XYLT1: variants seen among roughly 807,000 people sequenced by gnomAD.
The protein encoded by XYLT1 is xylosyltransferase 1, also known as beta-D-xylosyltransferase 1.
XYLT1 carries 36 observed loss-of-function variants against 91.3 expected under a neutral mutation model. The ratio of observed to expected loss-of-function variants is 0.39; its 90% CI spans 0.30 to 0.52. The LOEUF (loss-of-function observed/expected upper bound fraction) is 0.52, where lower values mean the gene tolerates loss of function less well. Ranked by LOEUF, XYLT1 falls within the 20% of genes least tolerant of loss-of-function variation. XYLT1 has a pLI of 0.68. For missense variants in XYLT1, 1,242 were observed against 1,284.5 expected (o/e 0.97, Z 0.51); for synonymous variants, 588 against 532.0 (o/e 1.11, Z -1.45).
intron 5 of XYLT1, among the ~76,000 whole-genome samples, chr16:17,182,366 C>T (rs981011579): frequency 3.3e-5 from 5 of 152,180 alleles, no homozygotes; most frequent in African/African-American, 9.7e-5. Context: ...TCTGTCCTTA[C>T]ATGGCAGAGA....
chr16:17,130,716 A>G (rs2030437154), intron 9 of XYLT1, among the ~76,000 whole-genome samples: 2 of 152,188 alleles, frequency 1.3e-5, no homozygotes, highest in Admixed American at 6.5e-5. Flanking sequence ...GGGCCTCTGC[A>G]GGAGCTTCCT....
chr16:17,388,748 A>C lies in XYLT1; in HGVS notation c.364-30698T>G, dbSNP rs557996480. 4.7e-4 allele frequency among the ~76,000 whole-genome samples: 72 copies of C among 152,328 alleles called. 2 individuals are homozygous for C. In the South Asian group the frequency reaches 0.014, roughly 29 times the overall value. ...TTCTTTTAACAAAAAGGAGAAACAA[A>C]AGCAGGTTTGGGGAAGAAAGGATGG... On this transcript the variant is annotated intron_variant, in intron 1 of 11. Coordinates refer to ENST00000261381, the MANE Select transcript of XYLT1 (RefSeq NM_022166.4).
rs1245285511 is a variant in XYLT1, at chr16:17,101,990, G to A, written c.*6705C>T. On this transcript the variant is annotated 3_prime_UTR_variant, in exon 12 of 12. Transcript: ENST00000261381. ...CAACTTTCCATGGCAGTCCCTTCTT[G>A]TTATTCTCTACTCAGTACGGGTTTA... is the stretch of plus-strand genomic sequence containing the variant. The A allele has an allele frequency of 6.6e-6, 1 of 152,190 alleles. No homozygotes were observed. Among genetic ancestry groups the A allele is most frequent in the Non-Finnish European group, 1.5e-5 (1 of 68,046 alleles). The allele number at this position is 152,190 out of a possible 1,614,324, so 9.4% of individuals were successfully genotyped here. A position where few individuals can be genotyped will look rare whatever the true frequency, so the allele number is the denominator to read the frequency against.
At chr16:17,464,115 TTAGA>T in intron 1 of XYLT1, among the ~76,000 whole-genome samples, 1 of 152,212 alleles carries the variant, frequency 6.6e-6, no homozygotes, top group African/African-American at 2.4e-5. Context: ...AAAAATCCAG[TTAGA>T]TAGAAGGAAT....
chr16:17,356,694 C>A (rs114250606), intron 2 of XYLT1, among the ~76,000 whole-genome samples: 2 of 152,128 alleles, frequency 1.3e-5, no homozygotes, highest in Non-Finnish European at 2.9e-5. Context: ...AGCCTTGAAA[C>A]GTTCGAACAG....
chr16:17,320,055 A>T (rs1281996542), intron 2 of XYLT1, among the ~76,000 whole-genome samples: 1 of 152,158 alleles, frequency 6.6e-6, no homozygotes, highest in African/African-American at 2.4e-5. Context: ...TTCCCTGGCC[A>T]TCCTACATAA....
At chr16:17,298,286 C>G (rs2034344580) in intron 2 of XYLT1, among the ~76,000 whole-genome samples, 1 of 152,150 alleles carries the variant, frequency 6.6e-6, no homozygotes, top group South Asian at 2.1e-4. Flanking sequence ...TGTCCAGTTG[C>G]AGGACCAAAA....
At chr16:17,133,352 T>C (rs1442157367) in intron 9 of XYLT1, among the ~76,000 whole-genome samples, 1 of 151,908 alleles carries the variant, frequency 6.6e-6, no homozygotes, top group Non-Finnish European at 1.5e-5. Context: ...GGAGAGTGAT[T>C]AGAGGCACTT....
At chr16:17,425,034 C>G (rs545019482) in intron 1 of XYLT1, among the ~76,000 whole-genome samples, 1 of 152,274 alleles carries the variant, frequency 6.6e-6, no homozygotes, top group East Asian at 1.9e-4. Context: ...GAACTTGGCT[C>G]CAGCCTCATT....
At chr16:17,338,484 T>A (rs1335912973) in intron 2 of XYLT1, 1 of 456,550 alleles carries the variant, frequency 2.2e-6, no homozygotes, top group East Asian at 6.9e-5. Context: ...AAAGACTTTA[T>A]AAAGGAAGAG....
intron 2 of XYLT1, among the ~76,000 whole-genome samples, chr16:17,292,109 TACAC>T (rs1238196429): frequency 1.6e-5 from 2 of 128,672 alleles, no homozygotes; most frequent in Non-Finnish European, 3.6e-5. Flanking sequence ...CACACACATA[TACAC>T]ATATATATCT....
intron 5 of XYLT1, among the ~76,000 whole-genome samples, chr16:17,166,737 G>T (rs567533268): frequency 2.6e-5 from 4 of 151,128 alleles, no homozygotes; most frequent in Non-Finnish European, 4.4e-5. Flanking sequence ...GGCCAGGCTG[G>T]TCCTGACCTC....
intron 3 of XYLT1, among the ~76,000 whole-genome samples, chr16:17,210,229 G>A (rs1314789753): frequency 1.3e-5 from 2 of 152,148 alleles, no homozygotes; most frequent in Non-Finnish European, 2.9e-5. Context: ...GCTGGCTGTG[G>A]TGGCTCACGC....
At chr16:17,316,788 T>C (rs371415830) in intron 2 of XYLT1, among the ~76,000 whole-genome samples, 155 of 151,420 alleles carry the variant, frequency 1.0e-3, no homozygotes, top group African/African-American at 3.6e-3. Context: ...ACAGACCCTG[T>C]TACCTGAAAG....
intron 5 of XYLT1, among the ~76,000 whole-genome samples, chr16:17,161,316 G>T (rs1009986662): frequency 1.3e-5 from 2 of 152,178 alleles, no homozygotes; most frequent in African/African-American, 4.8e-5. Flanking sequence ...GATGAGGAGG[G>T]GGCTGAGGTT....
chr16:17,465,910 C>T (rs1348335579), intron 1 of XYLT1, among the ~76,000 whole-genome samples: 2 of 152,014 alleles, frequency 1.3e-5, no homozygotes, highest in Non-Finnish European at 1.5e-5. Context: ...CACAGAGGAC[C>T]GAAATTACAG....
intron 4 of XYLT1, among the ~76,000 whole-genome samples, chr16:17,200,036 C>T (rs1456883217): frequency 2.6e-5 from 4 of 151,768 alleles, no homozygotes; most frequent in African/African-American, 9.7e-5. Context: ...TCCTGGCCAA[C>T]ATGGTGAAAC....
At chr16:17,201,697 A>G (rs2032546195) in intron 3 of XYLT1, among the ~76,000 whole-genome samples, 1 of 152,022 alleles carries the variant, frequency 6.6e-6, no homozygotes, top group African/African-American at 2.4e-5. Context: ...CTGGTCTCGG[A>G]ACTCCTGACC....
chr16:17,218,508 T>C (rs1224442320), intron 3 of XYLT1, among the ~76,000 whole-genome samples: 1 of 152,148 alleles, frequency 6.6e-6, no homozygotes, highest in African/African-American at 2.4e-5. Flanking sequence ...GTGCCTTACA[T>C]AGCAGGGCTT....
Sources: gnomAD v4.1 joint callset for allele counts (sites outside exome capture counted in the v4.1 genomes callset) on GRCh38, gnomAD v4.1.1 for gene constraint, MANE v1.5 for transcripts, NCBI Gene and HGNC (gene_info 2026-07-23, HGNC 2026-07-21) for gene names.